Variants in LINGO2 observed in about 807,000 individuals in gnomAD.
LINGO2 encodes the protein leucine-rich repeat and immunoglobulin-like domain-containing nogo receptor-interacting protein 2.
A neutral mutation model predicts 30.6 loss-of-function variants in LINGO2; 14 were observed. That is an observed-to-expected ratio of 0.46 (90% CI 0.30 to 0.72). LINGO2 has a LOEUF of 0.72. Among genes scored for constraint, LINGO2 ranks in the 30% least tolerant of loss-of-function variants. The pLI is 0.07. For missense variants in LINGO2, 729 were observed against 751.7 expected (o/e 0.97, Z 0.35); for synonymous variants, 317 against 288.5 (o/e 1.10, Z -1.00).
intron 4 of LINGO2, among the ~76,000 whole-genome samples, chr9:28,032,192 C>T (rs1315483761): frequency 6.6e-6 from 1 of 151,338 alleles, no homozygotes; most frequent in Non-Finnish European, 1.5e-5. Context: ...CACACAGGAT[C>T]TAATTCAAGT....
the LINGO2 span, among the ~76,000 whole-genome samples, chr9:29,099,536 GA>G: frequency 2.0e-5 from 3 of 151,826 alleles, no homozygotes; most frequent in African/African-American, 7.2e-5. Flanking sequence ...AACTCTATAT[GA>G]AAAAAAATTA....
chr9:28,531,048 A>AAT (rs543973777), intron 1 of LINGO2, among the ~76,000 whole-genome samples: 1,588 of 146,432 alleles, frequency 0.011, 15 homozygotes, highest in African/African-American at 0.024. Flanking sequence ...TATAAAAATA[A>AAT]ATATATATAT....
chr9:28,955,555 G>A, the LINGO2 span, among the ~76,000 whole-genome samples: 847 of 152,230 alleles, frequency 5.6e-3, 11 homozygotes, highest in African/African-American at 0.019. Context: ...GTGTCTTGGT[G>A]CATGAGAACG....
intron 4 of LINGO2, among the ~76,000 whole-genome samples, chr9:28,078,807 C>T (rs1262827246): frequency 6.8e-6 from 1 of 146,914 alleles, no homozygotes; most frequent in East Asian, 1.9e-4. Flanking sequence ...AAGATCGCGC[C>T]ATTGCACTCC....
At chr9:28,406,053 TTATCTTTATTC>T (rs1279043623) in intron 2 of LINGO2, among the ~76,000 whole-genome samples, 1 of 152,188 alleles carries the variant, frequency 6.6e-6, no homozygotes, top group East Asian at 1.9e-4. Flanking sequence ...CATATTTTTC[TTATCTTTATTC>T]TAATTCCTTG....
At chr9:28,221,668 A>G (rs1820972120) in intron 4 of LINGO2, among the ~76,000 whole-genome samples, 1 of 152,162 alleles carries the variant, frequency 6.6e-6, no homozygotes, top group Admixed American at 6.5e-5. Flanking sequence ...TTTTTAGACA[A>G]ACGACAAAAC....
chr9:29,074,266 G>T, the LINGO2 span, among the ~76,000 whole-genome samples: 13 of 151,542 alleles, frequency 8.6e-5, no homozygotes, highest in Non-Finnish European at 1.8e-4. Context: ...AGAGACAATA[G>T]ATCAAATGTT....
At chr9:28,638,551 G>A (rs1485447539) in intron 1 of LINGO2, among the ~76,000 whole-genome samples, 8 of 152,182 alleles carry the variant, frequency 5.3e-5, no homozygotes, top group African/African-American at 1.9e-4. Context: ...GTCTTGGGAG[G>A]GGGTATGTGT....
chr9:28,305,007 A>T (rs1824289853), intron 3 of LINGO2, among the ~76,000 whole-genome samples: 1 of 152,058 alleles, frequency 6.6e-6, no homozygotes, highest in African/African-American at 2.4e-5. Flanking sequence ...CTTGCAGATA[A>T]AATGGAATAG....
At chr9:28,668,206 G>A (rs568947556) in intron 1 of LINGO2, among the ~76,000 whole-genome samples, 1 of 152,014 alleles carries the variant, frequency 6.6e-6, no homozygotes, top group African/African-American at 2.4e-5. Context: ...TACCCGAGGT[G>A]GAGTGGTAGT....
At chr9:28,691,978 G>C in the LINGO2 span, among the ~76,000 whole-genome samples, 1 of 152,136 alleles carries the variant, frequency 6.6e-6, no homozygotes, top group Non-Finnish European at 1.5e-5. Flanking sequence ...GTAAGCTCTG[G>C]AGATGAAATC....
At chr9:28,113,410 A>T (rs1291295171) in intron 4 of LINGO2, among the ~76,000 whole-genome samples, 1 of 69,126 alleles carries the variant, frequency 1.4e-5, no homozygotes, top group Non-Finnish European at 2.7e-5. Context: ...TTTTGGTTCC[A>T]TATGAACTTT....
intron 3 of LINGO2, among the ~76,000 whole-genome samples, chr9:28,342,028 G>A (rs1342837823): frequency 1.3e-5 from 2 of 152,108 alleles, no homozygotes; most frequent in Non-Finnish European, 2.9e-5. Flanking sequence ...CCAAAAAAAG[G>A]AGGGGAAAAT....
the LINGO2 span, among the ~76,000 whole-genome samples, chr9:28,799,957 T>A: frequency 2.0e-5 from 3 of 152,074 alleles, no homozygotes; most frequent in African/African-American, 7.2e-5. Context: ...AAAATAATCA[T>A]TTAGCAAAAA....
intron 4 of LINGO2, among the ~76,000 whole-genome samples, chr9:28,232,310 A>T (rs1587282320): frequency 6.6e-6 from 1 of 151,106 alleles, no homozygotes; most frequent in South Asian, 2.1e-4. Context: ...GAGGCTGGAG[A>T]ATTGCTTAAT....
At chr9:28,095,904 T>G (rs996031354) in intron 4 of LINGO2, among the ~76,000 whole-genome samples, 1 of 152,114 alleles carries the variant, frequency 6.6e-6, no homozygotes, top group Non-Finnish European at 1.5e-5. Flanking sequence ...GCGAAGGACA[T>G]GAACAGACAC....
chr9:27,965,926 G>A (rs570282867), intron 5 of LINGO2, among the ~76,000 whole-genome samples: 8 of 152,102 alleles, frequency 5.3e-5, no homozygotes, highest in African/African-American at 1.7e-4. Context: ...GCACATATGC[G>A]CAACCGTCAA....
the LINGO2 span, among the ~76,000 whole-genome samples, chr9:29,027,327 A>G: frequency 6.6e-6 from 1 of 152,038 alleles, no homozygotes; most frequent in Non-Finnish European, 1.5e-5. Context: ...GACTTTTTTA[A>G]AAGTTTCTAT....
the LINGO2 span, among the ~76,000 whole-genome samples, chr9:28,990,144 A>G: frequency 6.6e-6 from 1 of 151,810 alleles, no homozygotes; most frequent in Admixed American, 6.6e-5. Flanking sequence ...CTAGTCAAAG[A>G]AAGGGGTGAC....
Sources: allele counts gnomAD v4.1 joint callset (sites outside exome capture counted in the v4.1 genomes callset), GRCh38; gene constraint gnomAD v4.1.1; transcripts MANE v1.5; gene names NCBI Gene and HGNC (gene_info 2026-07-23, HGNC 2026-07-21).